Variants in LATS2 observed in about 807,000 individuals in gnomAD.
LATS2 encodes large tumor suppressor kinase 2.
In LATS2, 24 loss-of-function variants were observed where a neutral mutation model predicts 76.0. The ratio of observed to expected loss-of-function variants is 0.32; its 90% CI spans 0.23 to 0.44. The LOEUF is 0.44. Ranked by LOEUF, LATS2 falls within the 20% of genes least tolerant of loss-of-function variation. The pLI, the probability that LATS2 is intolerant of heterozygous loss-of-function variation, is 1.00. For missense variants in LATS2, 1,286 were observed against 1,481.2 expected, an observed-to-expected ratio of 0.87 and a Z score of 2.16; for synonymous variants, 692 against 635.4, an observed-to-expected ratio of 1.09 and a Z score of -1.34.
chr13:20,994,177 T>G (rs1256581109), intron 2 of LATS2, among the ~76,000 whole-genome samples: 1 of 152,188 alleles, frequency 6.6e-6, no homozygotes, highest in Non-Finnish European at 1.5e-5. Context: ...AGACCACAAG[T>G]GAAGACTCAT....
intron 2 of LATS2, among the ~76,000 whole-genome samples, chr13:21,029,822 C>T (rs1022979335): frequency 1.3e-5 from 2 of 151,310 alleles, no homozygotes; most frequent in South Asian, 2.1e-4. Flanking sequence ...TGGGGATGGG[C>T]GTAGTGGCTC....
chr13:20,981,556 G>C lies in LATS2; in HGVS notation c.2575C>G (p.Gln859Glu). The change falls in exon 6 of 8, where the codon CAG becomes GAG. Residue 859 changes from glutamine to glutamate, a missense_variant. This residue lies in a region of LATS2 where 247 missense variants were observed against 385.4 expected (regional missense o/e 0.64). Transcript: ENST00000382592. ...RCGDRLKTLE[Q>E]RARKQHQRCL... ...CTCTGGTGCTGCTTCCGCGCCCTCT[G>C]CTCTAGGGTCTTCAGCCTGTCCCCA... 2 of 1,614,126 alleles carry C rather than the reference G, an allele frequency of 1.2e-6. No homozygotes were observed. The highest frequency in any genetic ancestry group is 1.6e-4 in the Middle Eastern group (1 of 6,062).
In LATS2 at chr13:21,010,194, T is replaced by C. The variant is rs375424015; in HGVS notation, c.343-18790A>G. 5.6e-3 allele frequency among the ~76,000 whole-genome samples: 232 copies of C among 41,104 alleles called. 1 individual carries two copies. The highest frequency in any genetic ancestry group is 0.014 in the African/African-American group (207 of 15,088). The allele number at this position is 41,104 out of a possible 152,430, so 27.0% of individuals were successfully genotyped here. On this transcript the variant is annotated intron_variant, in intron 2 of 7. Coordinates refer to ENST00000382592, the MANE Select transcript of LATS2 (RefSeq NM_014572.3). ...CAGAGTAGGCCATGGAGCTAGACTC[T>C]GTCAAAAAAACAAACAAACAAACAA...
At chr13:21,045,572 C>T (rs1332371673) in intron 2 of LATS2, 113 bp downstream of exon 2, 3 of 750,726 alleles carry the variant, frequency 4.0e-6, no homozygotes, top group Non-Finnish European at 6.3e-6. Context: ...CCTAGAAACA[C>T]TTGTATAAGT....
At chr13:21,005,624 C>T (rs1343649321) in intron 2 of LATS2, 1 of 152,158 alleles carries the variant, frequency 6.6e-6, no homozygotes, top group East Asian at 1.9e-4. Flanking sequence ...AATTCGCACT[C>T]TTGCTGGGAA....
intron 2 of LATS2, among the ~76,000 whole-genome samples, chr13:20,993,526 T>C (rs2138301343): frequency 6.6e-6 from 1 of 151,886 alleles, no homozygotes; most frequent in South Asian, 2.1e-4. Context: ...GTGGAAGGCC[T>C]GGGGAGGTGC....
At chr13:21,007,602 AGTG>A (rs1369045107) in intron 2 of LATS2, among the ~76,000 whole-genome samples, 1 of 2,476 alleles carries the variant, frequency 4.0e-4, no homozygotes, top group Non-Finnish European at 6.0e-4. Flanking sequence ...ATATATATAT[AGTG>A]TGTATATATA....
At chr13:21,034,409 G>A (rs1312829256) in intron 2 of LATS2, among the ~76,000 whole-genome samples, 2 of 152,156 alleles carry the variant, frequency 1.3e-5, no homozygotes, top group Non-Finnish European at 2.9e-5. Flanking sequence ...CAAGTAACTG[G>A]GTCCTGACCG....
chr13:21,008,995 G>C (rs1341847388), intron 2 of LATS2, among the ~76,000 whole-genome samples: 1 of 152,210 alleles, frequency 6.6e-6, no homozygotes, highest in East Asian at 1.9e-4. Flanking sequence ...AAATCACGTT[G>C]TATAGTGTTT....
intron 2 of LATS2, among the ~76,000 whole-genome samples, chr13:21,015,428 T>C (rs1277130372): frequency 1.3e-5 from 2 of 152,152 alleles, no homozygotes; most frequent in Non-Finnish European, 2.9e-5. Context: ...TTTAAAGACA[T>C]GTCCAATACA....
chr13:21,050,943 G>T lies in LATS2; in HGVS notation c.-204-4713C>A, dbSNP rs527650007. Among the ~76,000 whole-genome samples the T allele has an allele frequency of 6.6e-5, 10 of 152,252 alleles. No individual in the cohort carries two copies. In the East Asian group the frequency reaches 7.7e-4, roughly 12 times the overall value. ...ATGCCATGATACCACAGCCACGTGA[G>T]GGGGGGCAGGAAAAGGCTGAGTCAA... On this transcript the variant is annotated intron_variant, in intron 1 of 7. Transcript: ENST00000382592.
chr13:20,997,785 T>C (rs1870823538), intron 2 of LATS2, among the ~76,000 whole-genome samples: 2 of 152,190 alleles, frequency 1.3e-5, no homozygotes, highest in Non-Finnish European at 2.9e-5. Flanking sequence ...GGAGCTGGGC[T>C]TGCAATGTCT....
chr13:21,058,111 A>C (rs1873506242), intron 1 of LATS2, among the ~76,000 whole-genome samples: 1 of 152,258 alleles, frequency 6.6e-6, no homozygotes, highest in South Asian at 2.1e-4. Flanking sequence ...AGTCACTTCA[A>C]TCAAGCCTTA....
chr13:21,059,043 G>A (rs957587824), intron 1 of LATS2, among the ~76,000 whole-genome samples: 2 of 151,858 alleles, frequency 1.3e-5, no homozygotes, highest in East Asian at 3.8e-4. Flanking sequence ...ATGATTAAGG[G>A]AAGGCCCCTC....
chr13:20,988,096 T>A lies in LATS2; in HGVS notation c.1684A>T (p.Lys562Ter). ...TTATCCTTTCCGCCTTTGTCCCCCT[T>A]GGCGCTTTTGCGGCTCTTGTCGCCG... ...EGGDKSRKSA[K>*]GDKGGKDKKQ... Residue 562 changes from lysine (K) to a stop codon, truncating the protein, a stop_gained, in exon 4 of 8, where the codon AAG becomes TAG. Transcript: ENST00000382592. LOFTEE classifies it high-confidence loss of function. The A allele has an allele frequency of 6.2e-7, 1 of 1,614,260 alleles. No homozygotes were observed. Among genetic ancestry groups the A allele is most frequent in the Non-Finnish European group, 8.5e-7 (1 of 1,180,046 alleles).
intron 2 of LATS2, among the ~76,000 whole-genome samples, chr13:20,994,455 G>T (rs187466231): frequency 4.5e-4 from 69 of 152,358 alleles, no homozygotes; most frequent in Non-Finnish European, 8.1e-4. Flanking sequence ...TGGGCACAAA[G>T]TACATGCAGA....
At chr13:21,024,418 A>G (rs1164694808) in intron 2 of LATS2, among the ~76,000 whole-genome samples, 2 of 152,190 alleles carry the variant, frequency 1.3e-5, no homozygotes, top group Non-Finnish European at 2.9e-5. Flanking sequence ...CCTGGGCGAC[A>G]GAGTGAGACT....
In LATS2 at chr13:20,981,549, G is replaced by A. The variant is rs562406125; in HGVS notation, c.2582C>T (p.Ala861Val). The change falls in exon 6 of 8, where the codon GCG (alanine) becomes GTG (valine). Residue 861 changes from alanine to valine, a missense_variant. Physicochemically the swap from Ala to Val is moderately conservative, Grantham distance 64. Coordinates refer to ENST00000382592, the MANE Select transcript of LATS2 (RefSeq NM_014572.3). Reference sequence around the variant, plus strand: ...CAGGCACCTCTGGTGCTGCTTCCGCGCCCTCTGCTCTAGGGTCTTCAGCCT... The same window carrying A: ...CAGGCACCTCTGGTGCTGCTTCCGCACCCTCTGCTCTAGGGTCTTCAGCCT... ...GDRLKTLEQR[A>V]RKQHQRCLAH... The A allele has an allele frequency of 1.2e-5, 19 of 1,614,108 alleles. No homozygotes were observed. The highest frequency in any genetic ancestry group is 3.3e-4 in the Middle Eastern group (2 of 6,062).
chr13:20,980,546 C>T (rs929278401), intron 6 of LATS2, among the ~76,000 whole-genome samples: 4 of 152,206 alleles, frequency 2.6e-5, no homozygotes, highest in African/African-American at 9.6e-5. Flanking sequence ...GGCCCCTCTG[C>T]TATCTCTCCG....
Sources: allele counts gnomAD v4.1 joint callset (sites outside exome capture counted in the v4.1 genomes callset), GRCh38; gene constraint gnomAD v4.1.1; regional missense constraint gnomAD v4.1.1; transcripts MANE v1.5; gene names NCBI Gene and HGNC (gene_info 2026-07-23, HGNC 2026-07-21).